Variants in PTGER3 observed in about 807,000 individuals in gnomAD.
PTGER3 encodes the protein prostaglandin E2 receptor EP3 subtype.
Under a neutral mutation model 34.7 loss-of-function variants are expected in PTGER3, and 22 were observed. The observed-to-expected ratio is 0.63, with a 90% CI of 0.45 to 0.91. PTGER3 has a LOEUF of 0.91. Ranked by LOEUF, PTGER3 falls within the 40% of genes least tolerant of loss-of-function variation. PTGER3 has a pLI of 0.00. For synonymous variants in PTGER3, 241 were observed against 230.1 expected, an observed-to-expected ratio of 1.05 and a Z score of -0.43; for missense variants, 468 against 519.4, an observed-to-expected ratio of 0.90 and a Z score of 0.96.
intron 2 of PTGER3, chr1:71,009,204 AG>A: frequency 5.1e-6 from 5 of 985,264 alleles, no homozygotes; most frequent in Non-Finnish European, 6.0e-6. Flanking sequence ...ACTGTTTGCC[AG>A]TTTTTAGTTT....
intron 2 of PTGER3, among the ~76,000 whole-genome samples, chr1:70,996,944 G>A (rs1656038825): frequency 6.6e-6 from 1 of 152,158 alleles, no homozygotes; most frequent in Non-Finnish European, 1.5e-5. Context: ...TTGCAGGCAT[G>A]AGCCACTGCG....
chr1:70,933,028 A>G (rs1468276243), intron 4 of PTGER3, among the ~76,000 whole-genome samples: 1 of 152,126 alleles, frequency 6.6e-6, no homozygotes, highest in Non-Finnish European at 1.5e-5. Flanking sequence ...TTTTAATATT[A>G]TATCTATTGT....
intron 2 of PTGER3, among the ~76,000 whole-genome samples, chr1:70,963,580 G>A (rs779530575): frequency 6.6e-5 from 10 of 152,186 alleles, no homozygotes; most frequent in East Asian, 3.9e-4. Flanking sequence ...TGCGCCCTCC[G>A]AAGCCACTGC....
intron 4 of PTGER3, among the ~76,000 whole-genome samples, chr1:70,893,027 A>G (rs1164536252): frequency 2.2e-5 from 2 of 92,326 alleles, no homozygotes; most frequent in Non-Finnish European, 5.0e-5. Context: ...ATGTCCAACT[A>G]AAAAAAAAAC....
intron 1 of PTGER3, among the ~76,000 whole-genome samples, chr1:71,019,102 T>A (rs536264091): frequency 3.9e-4 from 60 of 152,332 alleles, no homozygotes; most frequent in African/African-American, 1.4e-3. Flanking sequence ...ATAATTATAA[T>A]TTCTGTGTAT....
At chr1:70,973,186 CATAG>C (rs1333612842) in intron 3 of PTGER3, among the ~76,000 whole-genome samples, 1 of 146,270 alleles carries the variant, frequency 6.8e-6, no homozygotes, top group Non-Finnish European at 1.5e-5. Flanking sequence ...CAGATAGATA[CATAG>C]ATATAGATAG....
intron 2 of PTGER3, chr1:71,007,073 C>G: frequency 7.1e-6 from 7 of 984,986 alleles, no homozygotes; most frequent in Non-Finnish European, 8.4e-6. Flanking sequence ...ACCCATAAAA[C>G]TTTACATAGA....
At chr1:71,038,505 C>T (rs191128017) in intron 1 of PTGER3, among the ~76,000 whole-genome samples, 1 of 152,296 alleles carries the variant, frequency 6.6e-6, no homozygotes, top group East Asian at 1.9e-4. Flanking sequence ...CAAGCCTCCT[C>T]TTCCATTTCT....
At chr1:70,963,254 G>A (rs1247149231) in intron 2 of PTGER3, among the ~76,000 whole-genome samples, 1 of 152,146 alleles carries the variant, frequency 6.6e-6, no homozygotes, top group Admixed American at 6.5e-5. Flanking sequence ...GAGTATCTAA[G>A]GCTTTTCCAG....
intron 4 of PTGER3, among the ~76,000 whole-genome samples, chr1:70,878,359 T>C (rs1292544565): frequency 1.3e-5 from 2 of 152,120 alleles, no homozygotes; most frequent in African/African-American, 4.8e-5. Context: ...GAATCTTCTT[T>C]CCTTTTTTCT....
At chr1:71,044,166 G>C (rs999301152) in intron 1 of PTGER3, among the ~76,000 whole-genome samples, 1 of 151,172 alleles carries the variant, frequency 6.6e-6, no homozygotes, top group African/African-American at 2.4e-5. Context: ...GCCGGGCACG[G>C]TGGCTCATGC....
intron 4 of PTGER3, among the ~76,000 whole-genome samples, chr1:70,872,038 G>A (rs77623521): frequency 0.015 from 2,316 of 152,280 alleles, 60 homozygotes; most frequent in African/African-American, 0.053. Flanking sequence ...CCTCAAACAC[G>A]ATTGTGTTGA....
intron 4 of PTGER3, among the ~76,000 whole-genome samples, chr1:70,946,266 GC>G (rs1650217332): frequency 6.6e-6 from 1 of 152,036 alleles, no homozygotes; most frequent in Admixed American, 6.6e-5. Flanking sequence ...AATTTCCTGA[GC>G]CAGGCCCCAT....
rs990725702 is a variant in PTGER3, at chr1:71,006,692, A to G, written c.1077+5613T>C. On this transcript the variant is annotated intron_variant, in intron 2 of 3. Coordinates refer to ENST00000306666, the MANE Select transcript of PTGER3 (RefSeq NM_198719.2). ...AATTTGTTATGCACATGATTATGGA[A>G]TATAAAACAAAATGATCTAATTTTT... 6.1e-6 allele frequency: 6 copies of G among 984,720 alleles called. No homozygotes were observed. In the African/African-American group the frequency reaches 7.0e-5, roughly 11 times the overall value. The allele number at this position is 984,720 out of a possible 1,614,324, so 61.0% of individuals were successfully genotyped here.
intron 4 of PTGER3, among the ~76,000 whole-genome samples, chr1:70,931,525 G>A (rs1648696063): frequency 6.6e-6 from 1 of 152,202 alleles, no homozygotes; most frequent in Non-Finnish European, 1.5e-5. Context: ...TGGGCATCCA[G>A]GCATTTCTAT....
intron 4 of PTGER3, among the ~76,000 whole-genome samples, chr1:70,900,403 A>G (rs1176701268): frequency 6.6e-6 from 1 of 152,146 alleles, no homozygotes; most frequent in Non-Finnish European, 1.5e-5. Context: ...AGCCTCTTTT[A>G]CATGCAGGAA....
chr1:70,893,436 G>C (rs951683190), intron 4 of PTGER3, among the ~76,000 whole-genome samples: 1 of 152,158 alleles, frequency 6.6e-6, no homozygotes, highest in Admixed American at 6.5e-5. Flanking sequence ...CCAATGTCCT[G>C]GGAATGGTAG....
chr1:70,973,172 TAGAC>T (rs1390307790), intron 3 of PTGER3, among the ~76,000 whole-genome samples: 4 of 150,270 alleles, frequency 2.7e-5, no homozygotes, highest in African/African-American at 4.9e-5. Context: ...CATAGATAGA[TAGAC>T]AGATAGATAC....
chr1:70,856,047 T>C (rs573140092), intron 4 of PTGER3, among the ~76,000 whole-genome samples: 1 of 152,272 alleles, frequency 6.6e-6, no homozygotes, highest in African/African-American at 2.4e-5. Context: ...GATGCCACTA[T>C]CTAGTTGTGC....
Sources: gnomAD v4.1 joint callset for allele counts (sites outside exome capture counted in the v4.1 genomes callset) on GRCh38, gnomAD v4.1.1 for gene constraint, MANE v1.5 for transcripts, NCBI Gene and HGNC (gene_info 2026-07-23, HGNC 2026-07-21) for gene names.